GLIS3: variants seen among roughly 807,000 people sequenced by gnomAD.
The protein encoded by GLIS3 is GLIS family zinc finger 3, also known as zinc finger protein GLIS3.
A neutral mutation model predicts 78.6 loss-of-function variants in GLIS3; 53 were observed. That is an observed-to-expected ratio of 0.67 (90% CI 0.54 to 0.85). The LOEUF (loss-of-function observed/expected upper bound fraction) is 0.85. Among genes scored for constraint, GLIS3 ranks in the 40% least tolerant of loss-of-function variants. The probability of loss-of-function intolerance (pLI) is 0.00; values close to 1 mark genes in which losing one functional copy is unlikely to be tolerated. For synonymous variants in GLIS3, 684 were observed against 509.9 expected (o/e 1.34, Z -4.60); for missense variants, 1,703 against 1,231.1 (o/e 1.38, Z -5.74).
At chr9:4,420,645 G>T in the GLIS3 span, among the ~76,000 whole-genome samples, 1 of 152,114 alleles carries the variant, frequency 6.6e-6, no homozygotes, top group Non-Finnish European at 1.5e-5. Flanking sequence ...TGCTCATCTG[G>T]TTGAACAGCC....
chr9:4,441,283 G>A, the GLIS3 span, among the ~76,000 whole-genome samples: 6 of 152,178 alleles, frequency 3.9e-5, no homozygotes, highest in African/African-American at 9.7e-5. Flanking sequence ...GATGTTAGTT[G>A]TGGGTCTGTC....
chr9:4,252,010 G>A (rs760014839), intron 2 of GLIS3, among the ~76,000 whole-genome samples: 30 of 152,198 alleles, frequency 2.0e-4, no homozygotes, highest in Middle Eastern at 3.4e-3. Flanking sequence ...GTGGGTAACC[G>A]GACCTTTCTC....
chr9:4,222,935 G>T (rs1056472242), intron 2 of GLIS3, among the ~76,000 whole-genome samples: 1 of 152,152 alleles, frequency 6.6e-6, no homozygotes, highest in Non-Finnish European at 1.5e-5. Context: ...GCTCTGTTCT[G>T]CTTATCTCAG....
At chr9:3,887,808 A>G (rs1822178535) in intron 7 of GLIS3, among the ~76,000 whole-genome samples, 1 of 152,224 alleles carries the variant, frequency 6.6e-6, no homozygotes, top group Admixed American at 6.5e-5. Flanking sequence ...AAACATCTGC[A>G]TTTCAGAACA....
chr9:4,469,729 G>A, the GLIS3 span, among the ~76,000 whole-genome samples: 5 of 152,254 alleles, frequency 3.3e-5, no homozygotes, highest in East Asian at 9.6e-4. Context: ...AAAAGAACTA[G>A]AGAGGCAAGA....
At chr9:4,062,737 C>T (rs1826756052) in intron 4 of GLIS3, among the ~76,000 whole-genome samples, 2 of 152,122 alleles carry the variant, frequency 1.3e-5, no homozygotes, top group Non-Finnish European at 2.9e-5. Context: ...ACCATCCTGG[C>T]TAACACAGCG....
intron 2 of GLIS3, among the ~76,000 whole-genome samples, chr9:4,245,473 T>C (rs994967188): frequency 2.6e-5 from 4 of 152,236 alleles, no homozygotes; most frequent in African/African-American, 4.8e-5. Context: ...TACTTCATGG[T>C]GTATGTACAG....
intron 4 of GLIS3, among the ~76,000 whole-genome samples, chr9:4,005,296 G>A (rs1173781358): frequency 6.6e-6 from 1 of 152,196 alleles, no homozygotes; most frequent in Admixed American, 6.5e-5. Context: ...AACTTAACCT[G>A]TTGTTAGACA....
intron 2 of GLIS3, among the ~76,000 whole-genome samples, chr9:4,165,675 G>A (rs191018798): frequency 5.3e-5 from 8 of 152,326 alleles, no homozygotes; most frequent in East Asian, 3.9e-4. Flanking sequence ...AAGATGCCAC[G>A]TGGTTTTGAA....
At chr9:4,484,234 TTTTTATTTTTTTTA>T in the GLIS3 span, among the ~76,000 whole-genome samples, 1 of 140,334 alleles carries the variant, frequency 7.1e-6, no homozygotes, top group Non-Finnish European at 1.5e-5. Flanking sequence ...TAACTTTTTT[TTTTTATTTTTTTTA>T]TTTTTTTGAG....
chr9:4,064,416 G>A (rs1387489310), intron 4 of GLIS3, among the ~76,000 whole-genome samples: 2 of 152,140 alleles, frequency 1.3e-5, no homozygotes, highest in African/African-American at 4.8e-5. Flanking sequence ...ACAAAGCACA[G>A]AAATGATACT....
chr9:3,900,202 A>G lies in GLIS3; in HGVS notation c.1984-1367T>C, dbSNP rs1823187086. ...AGAAACTGTTAAAAAAAAAAAAAAA[A>G]GGAGAAACAGAAATGATAATAAGCG... On this transcript the variant is annotated intron_variant, in intron 6 of 10. Coordinates refer to ENST00000381971, the MANE Select transcript of GLIS3 (RefSeq NM_001042413.2). 2.0e-5 allele frequency among the ~76,000 whole-genome samples: 3 copies of G among 149,880 alleles called. No individual in the cohort carries two copies. In the South Asian group the frequency reaches 6.4e-4, roughly 32 times the overall value.
At chr9:4,259,449 T>C (rs1825302754) in intron 2 of GLIS3, among the ~76,000 whole-genome samples, 1 of 151,900 alleles carries the variant, frequency 6.6e-6, no homozygotes, top group African/African-American at 2.4e-5. Flanking sequence ...GGGAAGAAAA[T>C]ACAAGGAAGT....
chr9:4,337,518 A>T (rs1316434053), intron 2 of GLIS3, among the ~76,000 whole-genome samples: 3 of 152,220 alleles, frequency 2.0e-5, no homozygotes, highest in Non-Finnish European at 2.9e-5. Flanking sequence ...ATTTCTATGT[A>T]CTCTACAATG....
At chr9:4,016,242 T>C (rs968539751) in intron 4 of GLIS3, among the ~76,000 whole-genome samples, 1 of 152,166 alleles carries the variant, frequency 6.6e-6, no homozygotes, top group Admixed American at 6.5e-5. Flanking sequence ...TGTCATCTCA[T>C]AAAAAGCCTT....
chr9:4,166,166 A>G (rs1835876550), intron 2 of GLIS3, among the ~76,000 whole-genome samples: 1 of 152,218 alleles, frequency 6.6e-6, no homozygotes, highest in African/African-American at 2.4e-5. Context: ...GAGGGAAAGT[A>G]CTTGACACAG....
At chr9:4,208,633 A>G (rs1169990162) in intron 2 of GLIS3, among the ~76,000 whole-genome samples, 1 of 152,200 alleles carries the variant, frequency 6.6e-6, no homozygotes, top group Non-Finnish European at 1.5e-5. Flanking sequence ...TGTGACTGAA[A>G]TTGTCTGTTA....
chr9:3,875,729 A>T (rs988893279), intron 8 of GLIS3: 1 of 152,164 alleles, frequency 6.6e-6, no homozygotes, highest in East Asian at 1.9e-4. Flanking sequence ...GGAAGAGAGA[A>T]CCTGCCATAC....
chr9:3,986,312 A>G (rs1819738052), intron 4 of GLIS3, among the ~76,000 whole-genome samples: 1 of 152,224 alleles, frequency 6.6e-6, no homozygotes. Flanking sequence ...ACAACTGTAG[A>G]TAATTTTGCT....
Sources: gnomAD v4.1 joint callset for allele counts (sites outside exome capture counted in the v4.1 genomes callset) on GRCh38, gnomAD v4.1.1 for gene constraint, MANE v1.5 for transcripts, NCBI Gene and HGNC (gene_info 2026-07-23, HGNC 2026-07-21) for gene names.